Variants in EDNRB observed in about 807,000 individuals in gnomAD.
EDNRB encodes Hirschsprung disease 2.
Under a neutral mutation model 46.4 loss-of-function variants are expected in EDNRB, and 18 were observed. The observed-to-expected ratio is 0.39, with a 90% confidence interval of 0.27 to 0.57. The LOEUF (loss-of-function observed/expected upper bound fraction) is 0.57, where lower values mean the gene tolerates loss of function less well. Ranked by LOEUF, EDNRB falls within the 20% of genes least tolerant of loss-of-function variation. The probability of loss-of-function intolerance (pLI) is 0.61; values close to 1 mark genes in which losing one functional copy is unlikely to be tolerated. For missense variants in EDNRB, 434 were observed against 537.5 expected (o/e 0.81, Z 1.90); for synonymous variants, 213 against 204.9 (o/e 1.04, Z -0.34).
chr13:77,971,176 C>A (rs1457779797), intron 1 of EDNRB, among the ~76,000 whole-genome samples: 1 of 152,174 alleles, frequency 6.6e-6, no homozygotes, highest in African/African-American at 2.4e-5. Flanking sequence ...TCTCTGATAC[C>A]AGAAGCAAGG....
In EDNRB at chr13:77,897,958, T is replaced by C; in HGVS notation, c.*242A>G. On this transcript the variant is annotated 3_prime_UTR_variant, in exon 7 of 7. Transcript: ENST00000646607. Reference sequence around the variant, plus strand: ...TTAAGAGCTATGTTGAAGTGCTAACTGTAAAAAATTAAGTGCTTTCACGAC... The same window carrying C: ...TTAAGAGCTATGTTGAAGTGCTAACCGTAAAAAATTAAGTGCTTTCACGAC... 7.8e-7 allele frequency: 1 copy of C among 1,284,236 alleles called. No homozygotes were observed. The highest frequency in any genetic ancestry group is 9.9e-7 in the Non-Finnish European group (1 of 1,007,860). The allele number at this position is 1,284,236 out of a possible 1,614,324, so 79.6% of individuals were successfully genotyped here.
intron 1 of EDNRB, among the ~76,000 whole-genome samples, chr13:77,974,968 T>C (rs1255385771): frequency 2.0e-5 from 3 of 152,028 alleles, no homozygotes; most frequent in Non-Finnish European, 4.4e-5. Flanking sequence ...AACACCACGC[T>C]CACACCACAT....
chr13:77,968,262 T>C (rs1425787923), intron 1 of EDNRB, among the ~76,000 whole-genome samples: 1 of 152,120 alleles, frequency 6.6e-6, no homozygotes, highest in Non-Finnish European at 1.5e-5. Context: ...TGCTCCTTGG[T>C]TGTAGAGGAA....
chr13:77,942,842 T>C (rs1464240746), intron 1 of EDNRB, among the ~76,000 whole-genome samples: 2 of 152,148 alleles, frequency 1.3e-5, no homozygotes, highest in Non-Finnish European at 2.9e-5. Context: ...GTTTTCTAAA[T>C]TATATAGGCT....
chr13:77,967,966 G>A (rs1881626202), intron 1 of EDNRB, among the ~76,000 whole-genome samples: 1 of 152,002 alleles, frequency 6.6e-6, no homozygotes, highest in South Asian at 2.1e-4. Context: ...GCATCCAAAT[G>A]CATTGTTCAT....
At chr13:77,929,615 TAC>T (rs1880332243) in intron 1 of EDNRB, among the ~76,000 whole-genome samples, 2 of 152,306 alleles carry the variant, frequency 1.3e-5, no homozygotes, top group East Asian at 3.9e-4. Flanking sequence ...AACCCATTTG[TAC>T]AAGGCGGGTG....
intron 1 of EDNRB, among the ~76,000 whole-genome samples, chr13:77,949,615 A>G (rs539373078): frequency 1.3e-5 from 2 of 152,302 alleles, no homozygotes; most frequent in East Asian, 3.9e-4. Context: ...AAACCAAGGT[A>G]TCTAAGTCCG....
intron 1 of EDNRB, among the ~76,000 whole-genome samples, chr13:77,931,512 GTTGT>G (rs1040823801): frequency 1.3e-5 from 2 of 152,108 alleles, no homozygotes; most frequent in Admixed American, 6.5e-5. Context: ...TGGTTTTGTT[GTTGT>G]TTGTTTGTTT....
intron 1 of EDNRB, among the ~76,000 whole-genome samples, chr13:77,952,069 G>GT (rs1448878895): frequency 1.3e-5 from 2 of 152,102 alleles, no homozygotes; most frequent in Non-Finnish European, 2.9e-5. Flanking sequence ...CAGGGAAGAG[G>GT]TCCCGATCCA....
chr13:77,923,889 GT>G (rs1041934121), upstream of EDNRB, among the ~76,000 whole-genome samples: 2 of 149,434 alleles, frequency 1.3e-5, no homozygotes, highest in Admixed American at 6.7e-5. Context: ...TTCTTCTTTT[GT>G]TTTTAACAAC....
upstream of EDNRB, chr13:77,919,855 G>A (rs1880021935): frequency 7.9e-6 from 4 of 509,144 alleles, no homozygotes; most frequent in South Asian, 1.1e-4. Context: ...CTCCAGACTA[G>A]AACAAGGCTC....
At chr13:77,919,686 G>T, upstream of EDNRB, 1 of 1,437,048 alleles carries the variant, frequency 7.0e-7, no homozygotes, top group Non-Finnish European at 9.5e-7. Flanking sequence ...TTTCCCCTTG[G>T]GCGATGCCTG....
At chr13:77,930,952 C>A (rs1880377396) in intron 1 of EDNRB, among the ~76,000 whole-genome samples, 1 of 152,100 alleles carries the variant, frequency 6.6e-6, no homozygotes, top group Non-Finnish European at 1.5e-5. Context: ...AAGACCCAAA[C>A]TCTAAATGTG....
At position 77,918,721 on chromosome 13, in the gene EDNRB, T is replaced by C. The variant is rs12716722; in HGVS notation, c.-148A>G. On this transcript the variant is annotated 5_prime_UTR_variant, in exon 1 of 7. In the 5' UTR this introduces an upstream ATG that the reference lacks. Coordinates refer to ENST00000646607, the MANE Select transcript of EDNRB (RefSeq NM_001122659.3). The surrounding 1 kb of genome is among the most constrained non-coding windows in gnomAD (Gnocchi z 4.5). ...ATACCGCCCGCAGCCTCTTCGCCAG[T>C]ATCCACGCTCAAAAGTAACTCAAGT... is the stretch of plus-strand genomic sequence containing the variant. The C allele has an allele frequency of 0.1, 140,502 of 1,343,742 alleles. 8,026 individuals are homozygous for C. The highest frequency in any genetic ancestry group is 0.11 in the Non-Finnish European group (120,248 of 1,051,772). The allele number at this position is 1,343,742 out of a possible 1,614,324, so 83.2% of individuals were successfully genotyped here.
At chr13:77,958,388 ATTTT>A (rs1210446602) in intron 1 of EDNRB, among the ~76,000 whole-genome samples, 12 of 118,722 alleles carry the variant, frequency 1.0e-4, no homozygotes, top group Admixed American at 9.0e-4. Flanking sequence ...TTATTTATTT[ATTTT>A]GAGACGGAGT....
intron 1 of EDNRB, among the ~76,000 whole-genome samples, chr13:77,911,211 C>A (rs1364556194): frequency 6.6e-6 from 1 of 152,030 alleles, no homozygotes; most frequent in African/African-American, 2.4e-5. Flanking sequence ...CTGGTGATAT[C>A]TGAAGACACA....
chr13:77,963,870 A>C (rs1043896709), intron 1 of EDNRB, among the ~76,000 whole-genome samples: 4 of 152,214 alleles, frequency 2.6e-5, no homozygotes, highest in Non-Finnish European at 5.9e-5. Context: ...CAACCTACTC[A>C]TCTGACAAAG....
intron 1 of EDNRB, among the ~76,000 whole-genome samples, chr13:77,915,049 G>A (rs1300869796): frequency 1.3e-5 from 2 of 152,066 alleles, no homozygotes; most frequent in Non-Finnish European, 2.9e-5. Context: ...CACTGGTTTA[G>A]ATTTAAGCCT....
chr13:77,929,662 C>A (rs193253404), intron 1 of EDNRB, among the ~76,000 whole-genome samples: 59 of 152,274 alleles, frequency 3.9e-4, no homozygotes, highest in African/African-American at 1.3e-3. Context: ...CAGCCTTCCA[C>A]TTAAACCTCT....
Sources: gnomAD v4.1 joint callset for allele counts (sites outside exome capture counted in the v4.1 genomes callset) on GRCh38, gnomAD v4.1.1 for gene constraint, Gnocchi (gnomAD v3.1) non-coding constraint, MANE v1.5 for transcripts, NCBI Gene and HGNC (gene_info 2026-07-23, HGNC 2026-07-21) for gene names.